The following SEZ6L variants were observed in gnomAD, a reference collection of about 807,000 sequenced individuals.
SEZ6L encodes seizure 6-like protein.
A neutral mutation model predicts 106.2 loss-of-function variants in SEZ6L; 37 were observed. That is an observed-to-expected ratio of 0.35 (90% CI 0.27 to 0.46). The LOEUF (loss-of-function observed/expected upper bound fraction) is 0.46, where lower values mean the gene tolerates loss of function less well. SEZ6L is among the 20% of genes least tolerant of loss of function. The pLI is 1.00. For missense variants in SEZ6L, 1,172 were observed against 1,332.8 expected (o/e 0.88, Z 1.88); for synonymous variants, 541 against 570.4 (o/e 0.95, Z 0.73).
At chr22:26,184,732 G>T (rs1268717012) in intron 1 of SEZ6L, among the ~76,000 whole-genome samples, 1 of 152,024 alleles carries the variant, frequency 6.6e-6, no homozygotes, top group Non-Finnish European at 1.5e-5. Flanking sequence ...TGCATAATGG[G>T]GTAGAAACAA....
intron 9 of SEZ6L, among the ~76,000 whole-genome samples, chr22:26,333,966 G>A (rs2082568105): frequency 6.9e-6 from 1 of 145,276 alleles, no homozygotes; most frequent in Non-Finnish European, 1.5e-5. Context: ...AGTCTGGTTG[G>A]AGGTAAAACA....
rs2123748799 is a variant in SEZ6L at position 26,169,752 on chromosome 22, C to A, written c.83C>A (p.Ala28Glu). Residue 28 changes from alanine (A) to glutamate (E), a missense_variant, in exon 1 of 17, where the codon GCG becomes GAG. By Grantham distance (107) the Ala-to-Glu change is moderately radical (BLOSUM62 -1). Transcript: ENST00000248933. ...LALLLGSPAA[A>E]LERDALPEGD... ...CTGCTCCTGGGGAGCCCGGCGGCAG[C>A]GCTGGAGCGAGGTAAGCGCCCCGAG... 1.6e-6 allele frequency: 2 copies of A among 1,253,392 alleles called. No homozygotes were observed. The highest frequency in any genetic ancestry group is 1.5e-5 in the African/African-American group (1 of 64,554). 77.6% of individuals were successfully genotyped at this position (1,253,392 alleles called of 1,614,324 possible). A position where few individuals can be genotyped will look rare whatever the true frequency, so the allele number is the denominator to read the frequency against.
intron 1 of SEZ6L, among the ~76,000 whole-genome samples, chr22:26,277,549 T>A (rs924988675): frequency 2.6e-5 from 4 of 152,254 alleles, no homozygotes; most frequent in African/African-American, 4.8e-5. Flanking sequence ...GTTGCCTTCA[T>A]GTTCTTTGCT....
At chr22:26,280,733 C>T (rs1210782108) in intron 1 of SEZ6L, among the ~76,000 whole-genome samples, 1 of 152,122 alleles carries the variant, frequency 6.6e-6, no homozygotes, top group Non-Finnish European at 1.5e-5. Context: ...CCAAGGGAAA[C>T]CTGGTGTTCA....
chr22:26,262,590 C>T (rs948335), intron 1 of SEZ6L, among the ~76,000 whole-genome samples: 89,833 of 152,032 alleles, frequency 0.59, 26,780 homozygotes, highest in African/African-American at 0.65. Context: ...GAAGGACAGA[C>T]GTAAGTGTTA....
intron 1 of SEZ6L, among the ~76,000 whole-genome samples, chr22:26,178,756 T>A (rs915970960): frequency 2.6e-5 from 4 of 151,912 alleles, no homozygotes; most frequent in Non-Finnish European, 4.4e-5. Context: ...GAGATATGGG[T>A]TCAAACCTAA....
chr22:26,335,303 C>G (rs546179411), intron 9 of SEZ6L, among the ~76,000 whole-genome samples: 10 of 152,258 alleles, frequency 6.6e-5, no homozygotes, highest in African/African-American at 2.4e-4. Flanking sequence ...TTTTTTTCCT[C>G]TGGGTGAAAG....
chr22:26,326,316 G>A (rs754926096), intron 9 of SEZ6L, among the ~76,000 whole-genome samples: 3 of 152,126 alleles, frequency 2.0e-5, no homozygotes, highest in Admixed American at 6.6e-5. Flanking sequence ...CTTGTTTTAC[G>A]AGTCCCTGAC....
intron 1 of SEZ6L, among the ~76,000 whole-genome samples, chr22:26,261,732 C>T (rs549769694): frequency 1.3e-5 from 2 of 152,160 alleles, no homozygotes; most frequent in Admixed American, 1.3e-4. Flanking sequence ...ACAAAATTGG[C>T]CAAGGTGAGG....
intron 1 of SEZ6L, among the ~76,000 whole-genome samples, chr22:26,187,696 A>C (rs1328926020): frequency 6.6e-6 from 1 of 152,156 alleles, no homozygotes. Flanking sequence ...ATGATGATTA[A>C]ATCCACCCCT....
intron 12 of SEZ6L, among the ~76,000 whole-genome samples, chr22:26,357,243 C>A (rs988150743): frequency 6.6e-6 from 1 of 152,160 alleles, no homozygotes; most frequent in Non-Finnish European, 1.5e-5. Context: ...CTGTGCCCGG[C>A]CCTCAGAACT....
At chr22:26,318,438 T>C (rs1224411095) in intron 9 of SEZ6L, among the ~76,000 whole-genome samples, 1 of 150,404 alleles carries the variant, frequency 6.6e-6, no homozygotes, top group Non-Finnish European at 1.5e-5. Context: ...ACTGGCTGAA[T>C]CCAAACTGAG....
At chr22:26,373,617 T>A (rs2084117792) in intron 14 of SEZ6L, 134 bp downstream of exon 14, 1 of 726,756 alleles carries the variant, frequency 1.4e-6, no homozygotes, top group African/African-American at 1.8e-5. Flanking sequence ...CCAAAGATAA[T>A]CTTAAAATAA....
At chr22:26,178,928 G>A (rs1423375763) in intron 1 of SEZ6L, among the ~76,000 whole-genome samples, 1 of 152,142 alleles carries the variant, frequency 6.6e-6, no homozygotes, top group Non-Finnish European at 1.5e-5. Flanking sequence ...ATTCTAATGT[G>A]ATTTTTGTGG....
At chr22:26,245,115 G>A (rs5752291) in intron 1 of SEZ6L, among the ~76,000 whole-genome samples, 16,394 of 152,102 alleles carry the variant, frequency 0.11, 1,251 homozygotes, top group East Asian at 0.34. Context: ...CTGGTTTCCC[G>A]TGCCCCTTTG....
At chr22:26,305,624 G>C (rs1242358491) in intron 5 of SEZ6L, among the ~76,000 whole-genome samples, 1 of 152,116 alleles carries the variant, frequency 6.6e-6, no homozygotes, top group Non-Finnish European at 1.5e-5. Flanking sequence ...TATCCTTCTT[G>C]ATTGCCATTT....
intron 1 of SEZ6L, among the ~76,000 whole-genome samples, chr22:26,181,348 T>A (rs1229927275): frequency 6.6e-6 from 1 of 152,188 alleles, no homozygotes; most frequent in South Asian, 2.1e-4. Context: ...TATGCCCCCT[T>A]TTAAAGCAGG....
intron 1 of SEZ6L, among the ~76,000 whole-genome samples, chr22:26,266,244 T>C (rs2080173150): frequency 1.3e-5 from 2 of 151,830 alleles, no homozygotes; most frequent in African/African-American, 4.8e-5. Flanking sequence ...AATGAAGCAT[T>C]TATGTTGTGT....
At chr22:26,374,120 A>G (rs2084136281) in intron 14 of SEZ6L, among the ~76,000 whole-genome samples, 1 of 152,120 alleles carries the variant, frequency 6.6e-6, no homozygotes, top group African/African-American at 2.4e-5. Context: ...TGTCACCGCT[A>G]TTGAATTTGG....
Sources: allele counts gnomAD v4.1 joint callset (sites outside exome capture counted in the v4.1 genomes callset), GRCh38; gene constraint gnomAD v4.1.1; transcripts MANE v1.5; gene names NCBI Gene and HGNC (gene_info 2026-07-23, HGNC 2026-07-21).